Variants in TOP2B observed in about 807,000 individuals in gnomAD.
TOP2B encodes the protein DNA topoisomerase II beta, also known as DNA topoisomerase 2-beta.
Under a neutral mutation model 193.5 loss-of-function variants are expected in TOP2B, and 51 were observed. The observed-to-expected ratio is 0.26, with a 90% CI of 0.21 to 0.33. The LOEUF is 0.33. Ranked by LOEUF, TOP2B falls within the 10% of genes least tolerant of loss-of-function variation. The probability of loss-of-function intolerance (pLI) is 1.00; values close to 1 mark genes in which losing one functional copy is unlikely to be tolerated. For synonymous variants in TOP2B, 634 were observed against 635.7 expected, an observed-to-expected ratio of 1.00 and a Z score of 0.04; for missense variants, 1,378 against 1,909.3, an observed-to-expected ratio of 0.72 and a Z score of 5.19.
intron 35 of TOP2B, 130 bp downstream of exon 35, chr3:25,599,305 A>G: frequency 1.4e-6 from 1 of 716,976 alleles, no homozygotes; most frequent in Non-Finnish European, 2.3e-6. Context: ...TTAACCAAAT[A>G]CAAGCCCCAT....
In TOP2B at chr3:25,664,330, C is replaced by A; in HGVS notation, c.-33G>T. On this transcript the variant is annotated 5_prime_UTR_variant, in exon 1 of 36. Transcript: ENST00000264331. ...GCCTCCAGCTCACAGGCCCTGAGGC[C>A]GCAGCCGCCGCTCCCGCCTCCCTGC... 6.9e-7 allele frequency: 1 copy of A among 1,441,376 alleles called. No homozygotes were observed. The highest frequency in any genetic ancestry group is 9.0e-7 in the Non-Finnish European group (1 of 1,105,878). The allele number at this position is 1,441,376 out of a possible 1,614,324, so 89.3% of individuals were successfully genotyped here.
intron 28 of TOP2B, among the ~76,000 whole-genome samples, chr3:25,611,732 G>A (rs1002262379): frequency 3.3e-5 from 5 of 151,828 alleles, no homozygotes; most frequent in African/African-American, 9.7e-5. Flanking sequence ...AATGACACAG[G>A]ATGTGCTTGG....
At chr3:25,637,538 T>A (rs1703138242) in intron 5 of TOP2B, among the ~76,000 whole-genome samples, 1 of 152,080 alleles carries the variant, frequency 6.6e-6, no homozygotes, top group Non-Finnish European at 1.5e-5. Context: ...TTTGTACATT[T>A]ACCACAGTCT....
chr3:25,664,201 C>T (rs887850275), intron 1 of TOP2B, 28 bp downstream of exon 1: 1 of 1,538,718 alleles, frequency 6.5e-7, no homozygotes, highest in East Asian at 2.5e-5. Context: ...AACAATGCAG[C>T]CGCCCGTCCC....
In TOP2B at chr3:25,609,592, G is replaced by A; in HGVS notation, c.3907C>T (p.Pro1303Ser). The A allele has an allele frequency of 6.2e-7, 1 of 1,604,906 alleles. No homozygotes were observed. Among genetic ancestry groups the A allele is most frequent in the Non-Finnish European group, 8.5e-7 (1 of 1,175,460 alleles). ...CCAGGCTCCTTCTTCTCCCTCTTAG[G>A]TTTGGGACCTTTATTTATAGGAACT... is the stretch of plus-strand genomic sequence containing the variant. Reference protein sequence around the residue: ...PSVPINKGPKPKREKKEPGTR... With the variant: ...PSVPINKGPKSKREKKEPGTR... Residue 1303 changes from proline to serine, a missense_variant, in exon 29 of 36, where the codon CCT becomes TCT. Coordinates refer to ENST00000264331, the MANE Select transcript of TOP2B (RefSeq NM_001330700.2).
intron 2 of TOP2B, 71 bp downstream of exon 2, chr3:25,645,229 T>C: frequency 7.4e-7 from 1 of 1,344,696 alleles, no homozygotes; most frequent in Non-Finnish European, 1.0e-6. Context: ...ATTACAATAA[T>C]TTTATCAACA....
At chr3:25,639,530 A>T (rs1212165662) in intron 4 of TOP2B, among the ~76,000 whole-genome samples, 1 of 152,068 alleles carries the variant, frequency 6.6e-6, no homozygotes, top group Non-Finnish European at 1.5e-5. Context: ...CTGGTCTCGA[A>T]CTCCTGACCT....
rs1413567205 is a variant in TOP2B, at chr3:25,642,328, A to G, written c.389T>C (p.Ile130Thr). The G allele has an allele frequency of 1.3e-6, 2 of 1,539,806 alleles. No individual in the cohort carries two copies. The highest frequency in any genetic ancestry group is 2.8e-5 in the African/African-American group (2 of 72,664). ...DKNMTCIKVS[I>T]DPESNIISIW... is the part of the protein sequence containing the mutation. ...AAACTTTAAATATACTTACGGATCA[A>G]TAGAAACTTTAATACAAGTCATGTT... The change falls in exon 4 of 36, where the codon ATT (isoleucine) becomes ACT (threonine). Residue 130 changes from isoleucine (I) to threonine (T), a missense_variant. This residue lies in a region of TOP2B where 21 missense variants were observed against 19.6 expected (regional missense o/e 1.07). Transcript: ENST00000264331.
intron 1 of TOP2B, among the ~76,000 whole-genome samples, chr3:25,662,976 T>C (rs1703961799): frequency 6.6e-6 from 1 of 152,232 alleles, no homozygotes; most frequent in Admixed American, 6.5e-5. Context: ...CTACTGCAAG[T>C]CCACATGGAC....
chr3:25,638,425 T>C, intron 4 of TOP2B, 115 bp from the exon 5 acceptor site: 1 of 1,227,186 alleles, frequency 8.1e-7, no homozygotes, highest in Non-Finnish European at 1.1e-6. Context: ...ACCTTAATGG[T>C]TATAAGATAC....
At chr3:25,651,684 T>C (rs1703594138) in intron 1 of TOP2B, among the ~76,000 whole-genome samples, 1 of 151,898 alleles carries the variant, frequency 6.6e-6, no homozygotes, top group African/African-American at 2.4e-5. Flanking sequence ...ATGGCCAATA[T>C]GGTAAAACGC....
At position 25,602,339 on chromosome 3, in the gene TOP2B, G is replaced by A. The variant is rs117143069; in HGVS notation, c.4490-1114C>T. Among the ~76,000 whole-genome samples, 10 of 146,310 alleles carry A rather than the reference G, an allele frequency of 6.8e-5. No homozygotes were observed. In the East Asian group the frequency reaches 8.0e-4, roughly 12 times the overall value. The stretch of plus-strand genomic sequence containing the variant: ...TTGAACCCAGGCAAGGGAGGTTGCC[G>A]TGAGCCAAGATCACGCTACTCCACT... On this transcript the variant is annotated intron_variant, in intron 33 of 35. Coordinates refer to ENST00000264331, the MANE Select transcript of TOP2B (RefSeq NM_001330700.2).
chr3:25,601,708 C>G (rs1702100354), intron 33 of TOP2B, among the ~76,000 whole-genome samples: 1 of 152,166 alleles, frequency 6.6e-6, no homozygotes, highest in South Asian at 2.1e-4. Context: ...TGACAAAATG[C>G]TTTTTATTTA....
chr3:25,639,002 G>A lies in TOP2B; in HGVS notation c.396-692C>T, dbSNP rs1220692142. ...AAATCTAAATATCCAATGCTTATCA[G>A]TTGGCAAGAGGTTAAATAAATTGTG... On this transcript the variant is annotated intron_variant, in intron 4 of 35. Transcript: ENST00000264331. Among the ~76,000 whole-genome samples, 3 of 152,104 alleles carry A rather than the reference G, an allele frequency of 2.0e-5. No individual in the cohort carries two copies. The East Asian group carries it at 5.8e-4, about 29-fold the overall frequency.
At chr3:25,605,519 A>G (rs1009554910) in intron 32 of TOP2B, among the ~76,000 whole-genome samples, 7 of 152,100 alleles carry the variant, frequency 4.6e-5, no homozygotes, top group Non-Finnish European at 8.8e-5. Context: ...AAATGTATAG[A>G]TGTGTGTATT....
intron 33 of TOP2B, among the ~76,000 whole-genome samples, chr3:25,601,566 T>C (rs1474534086): frequency 6.6e-6 from 1 of 152,066 alleles, no homozygotes. Context: ...TGAGCTGAGA[T>C]TGCGCCACTG....
chr3:25,611,016 G>A (rs1702355868), intron 28 of TOP2B, among the ~76,000 whole-genome samples: 1 of 152,162 alleles, frequency 6.6e-6, no homozygotes, highest in African/African-American at 2.4e-5. Context: ...CTGGGATAAG[G>A]CAAAGAACAG....
At chr3:25,609,836 G>T in intron 28 of TOP2B, 124 bp from the exon 29 acceptor site, 3 of 894,950 alleles carry the variant, frequency 3.4e-6, no homozygotes, top group Non-Finnish European at 4.7e-6. Flanking sequence ...ATTCTGATGA[G>T]GTCCTAACAG....
At chr3:25,607,061 AG>A (rs1185966220) in intron 31 of TOP2B, 109 bp downstream of exon 31, 1 of 1,411,170 alleles carries the variant, frequency 7.1e-7, no homozygotes, top group African/African-American at 1.4e-5. Context: ...TCCTTCATGA[AG>A]AAGAACTTGC....
Sources: allele counts gnomAD v4.1 joint callset (sites outside exome capture counted in the v4.1 genomes callset), GRCh38; gene constraint gnomAD v4.1.1; regional missense constraint gnomAD v4.1.1; transcripts MANE v1.5; gene names NCBI Gene and HGNC (gene_info 2026-07-23, HGNC 2026-07-21).